The following TM2D3 variants were observed in gnomAD, a reference collection of about 807,000 sequenced individuals.
TM2D3 encodes TM2 domain containing 3.
Under a neutral mutation model 27.3 loss-of-function variants are expected in TM2D3, and 33 were observed. The ratio of observed to expected loss-of-function variants is 1.21; its 90% CI spans 0.92 to 1.61. TM2D3 has a LOEUF of 1.61. TM2D3 is among the 40% of genes most tolerant of loss of function. TM2D3 has a pLI of 0.00. For missense variants in TM2D3, 364 were observed against 320.8 expected (o/e 1.13, Z -1.03); for synonymous variants, 138 against 122.2 (o/e 1.13, Z -0.85).
In TM2D3 at chr15:101,642,007, A is replaced by G. The variant is rs755750383; in HGVS notation, c.*472T>C. 167 of 986,038 alleles carry G rather than the reference A, an allele frequency of 1.7e-4. No individual in the cohort carries two copies. Among genetic ancestry groups the G allele is most frequent in the Non-Finnish European group, 1.9e-4 (161 of 830,178 alleles). The allele number at this position is 986,038 out of a possible 1,614,324, so 61.1% of individuals were successfully genotyped here. On this transcript the variant is annotated 3_prime_UTR_variant, in exon 6 of 6. Coordinates refer to ENST00000333202, the MANE Select transcript of TM2D3 (RefSeq NM_078474.3). ...ATGTATTACACTGCAAAACTTACAC[A>G]TGACTGAAGCTGAGCCTAATAACTT...
chr15:101,649,976 T>C (rs1445457542), intron 3 of TM2D3, 28 bp downstream of exon 3: 4 of 1,596,724 alleles, frequency 2.5e-6, no homozygotes, highest in Non-Finnish European at 3.4e-6. Context: ...AATGAATTTA[T>C]TTAGAATAAG....
intron 5 of TM2D3, among the ~76,000 whole-genome samples, chr15:101,644,051 G>A (rs1411094401): frequency 1.3e-5 from 2 of 152,054 alleles, no homozygotes; most frequent in Non-Finnish European, 2.9e-5. Context: ...TCACCATGTT[G>A]GCCAGGCTGG....
In TM2D3 at chr15:101,642,634, C is replaced by A. The variant is rs773674127; in HGVS notation, c.589G>T (p.Gly197Cys). The change falls in exon 6 of 6, where the codon GGT becomes TGT. Residue 197 changes from glycine to cysteine, a missense_variant. Physicochemically the swap from Gly to Cys is radical, Grantham distance 159 (BLOSUM62 -3). Coordinates refer to ENST00000333202, the MANE Select transcript of TM2D3 (RefSeq NM_078474.3). ...TAGAAACGGTCTGCTCCAAACCCAC[C>A]GAGGGTGATGCTGCGATGGCAAACA... Reference protein sequence around the residue: ...STALALSITLGGFGADRFYLG... With the variant: ...STALALSITLCGFGADRFYLG... 1.2e-6 allele frequency: 2 copies of A among 1,602,808 alleles called. No homozygotes were observed. The highest frequency in any genetic ancestry group is 1.7e-5 in the Admixed American group (1 of 58,410).
At chr15:101,633,879 C>G in intron 4 of TM2D3, 1 of 573,286 alleles carries the variant, frequency 1.7e-6, no homozygotes, top group South Asian at 3.5e-5. Context: ...AAGGTGCCAG[C>G]GTTGAGAAGA....
chr15:101,637,330 A>C (rs1170836543), downstream of TM2D3, among the ~76,000 whole-genome samples: 1 of 152,178 alleles, frequency 6.6e-6, no homozygotes, highest in East Asian at 1.9e-4. Flanking sequence ...TCTTAGACTG[A>C]AAAAGGTGCC....
rs866115679 is a variant in TM2D3, at chr15:101,646,780, A to T, written c.447T>A (p.Cys149Ter). 3.7e-6 allele frequency: 6 copies of T among 1,614,082 alleles called. No individual in the cohort carries two copies. In the Admixed American group the frequency reaches 6.7e-5, roughly 18 times the overall value. ...TNSTSCMTVSCPRQRYPANCT... is the reference protein window; with the variant it reads ...TNSTSCMTVS Reference sequence around the variant, plus strand: ...AGTTGGCAGGGTAGCGCTGCCGAGGACAGGACACCGTCATGCAGCTGGTGG... The same window carrying T: ...AGTTGGCAGGGTAGCGCTGCCGAGGTCAGGACACCGTCATGCAGCTGGTGG... Residue 149 changes from cysteine to a stop codon, truncating the protein, a stop_gained, in exon 4 of 6, where the codon TGT (cysteine) becomes TGA (stop). Coordinates refer to ENST00000333202, the MANE Select transcript of TM2D3 (RefSeq NM_078474.3). LOFTEE classifies it high-confidence loss of function.
chr15:101,643,037 CTA>C (rs1383437851), intron 5 of TM2D3, among the ~76,000 whole-genome samples: 5 of 152,074 alleles, frequency 3.3e-5, no homozygotes, highest in Admixed American at 6.6e-5. Context: ...TGTTTTCAGT[CTA>C]TTTTTTCATT....
At chr15:101,641,734 A>C (rs1896674187), downstream of TM2D3, 1 of 288,126 alleles carries the variant, frequency 3.5e-6, no homozygotes, top group East Asian at 1.7e-4. Flanking sequence ...GCCAATTATG[A>C]CTCTGTTAGA....
At position 101,645,188 on chromosome 15, in the gene TM2D3, T is replaced by C. The variant is rs760740640; in HGVS notation, c.503-26A>G. Reference sequence around the variant, plus strand: ...CTTAAAAAAAAAAAAGAAAGAAAAATACAGGGTATAAAAAATACTCTCAGA... The same window carrying C: ...CTTAAAAAAAAAAAAGAAAGAAAAACACAGGGTATAAAAAATACTCTCAGA... On this transcript the variant is annotated intron_variant, in intron 4 of 5. Coordinates refer to ENST00000333202, the MANE Select transcript of TM2D3 (RefSeq NM_078474.3). 5.2e-6 allele frequency: 8 copies of C among 1,545,220 alleles called. No individual in the cohort carries two copies. In the East Asian group the frequency reaches 1.8e-4, roughly 35 times the overall value.
chr15:101,647,277 C>A (rs552216947), intron 3 of TM2D3, among the ~76,000 whole-genome samples: 2 of 152,166 alleles, frequency 1.3e-5, no homozygotes, highest in African/African-American at 4.8e-5. Flanking sequence ...GTCACAATCA[C>A]GGATGGCTGG....
rs767078158 is a variant in TM2D3, at chr15:101,650,082, G to A, written c.249C>T (p.Asp83=). ...LCSRLPADCI[D]CTTNFSCTYG... ...AGGTACAGGAGAAATTTGTTGTGCA[G>A]TCTATACAGTCTGCAGGAAGCCTGC... The change falls in exon 3 of 6, where the codon GAC becomes GAT. Residue 83 remains aspartate, a synonymous_variant. Transcript: ENST00000333202. 9 of 1,614,164 alleles carry A rather than the reference G, an allele frequency of 5.6e-6. No individual in the cohort carries two copies. The highest frequency in any genetic ancestry group is 7.6e-6 in the Non-Finnish European group (9 of 1,180,002).
chr15:101,651,545 G>C, intron 2 of TM2D3, 151 bp downstream of exon 2: 1 of 743,204 alleles, frequency 1.3e-6, no homozygotes, highest in Non-Finnish European at 2.2e-6. Flanking sequence ...GAAAATGGCT[G>C]TGTATCTACC....
chr15:101,641,792 G>C (rs1596262036), downstream of TM2D3: 1 of 607,862 alleles, frequency 1.6e-6, no homozygotes. Flanking sequence ...AACAATAAAG[G>C]TAAGTTGTAA....
chr15:101,648,594 C>T (rs1224245774), intron 3 of TM2D3, among the ~76,000 whole-genome samples: 2 of 152,204 alleles, frequency 1.3e-5, no homozygotes, highest in East Asian at 1.9e-4. Flanking sequence ...AGGCCAAGTA[C>T]GCTCTGTGCT....
rs559444761 is a variant in TM2D3, at chr15:101,651,945, A to C, written c.92-172T>G. The C allele has an allele frequency of 1.5e-3, 1,039 of 674,916 alleles. 7 individuals are homozygous for C. The highest frequency in any genetic ancestry group is 1.6e-3 in the Non-Finnish European group (619 of 385,928). 41.8% of individuals were successfully genotyped at this position (674,916 alleles called of 1,614,324 possible). On this transcript the variant is annotated intron_variant, in intron 1 of 5. Coordinates refer to ENST00000333202, the MANE Select transcript of TM2D3 (RefSeq NM_078474.3). ...TAGGGACGAAACGTCAACAGAGTAG[A>C]CATCAGTTCAGGTCAGCCGGCAACG... is the stretch of plus-strand genomic sequence containing the variant.
chr15:101,649,874 ACTCAAAAGGGAAAT>A, intron 3 of TM2D3, 116 bp downstream of exon 3: 5 of 867,240 alleles, frequency 5.8e-6, no homozygotes, highest in Non-Finnish European at 8.8e-6. Context: ...CTGCTTACAT[ACTCAAAAGGGAAAT>A]CATAAAAGAA....
At chr15:101,636,087 G>C (rs1208277793) in intron 4 of TM2D3, 1 of 152,074 alleles carries the variant, frequency 6.6e-6, no homozygotes, top group Non-Finnish European at 1.5e-5. Flanking sequence ...CTTATGGTGT[G>C]TATCAGTACT....
At chr15:101,647,738 T>A (rs1285830059) in intron 3 of TM2D3, among the ~76,000 whole-genome samples, 1 of 152,184 alleles carries the variant, frequency 6.6e-6, no homozygotes, top group African/African-American at 2.4e-5. Context: ...TATTTATAAA[T>A]TTACTAAAAT....
chr15:101,640,777 C>G (rs1166436820), downstream of TM2D3, among the ~76,000 whole-genome samples: 1 of 152,252 alleles, frequency 6.6e-6, no homozygotes, highest in Non-Finnish European at 1.5e-5. Flanking sequence ...GACTGGCTTA[C>G]ATCCTTCAGG....
Sources: gnomAD v4.1 joint callset for allele counts (sites outside exome capture counted in the v4.1 genomes callset) on GRCh38, gnomAD v4.1.1 for gene constraint, MANE v1.5 for transcripts, NCBI Gene and HGNC (gene_info 2026-07-23, HGNC 2026-07-21) for gene names.